Variants in MAD1L1 observed in about 807,000 individuals in gnomAD.
MAD1L1 encodes the protein mitotic spindle assembly checkpoint protein MAD1.
A neutral mutation model predicts 96.9 loss-of-function variants in MAD1L1; 95 were observed. The ratio of observed to expected loss-of-function variants is 0.98; its 90% CI spans 0.83 to 1.16. The LOEUF is 1.16. MAD1L1 is among the 50% of genes most tolerant of loss of function. The pLI is 0.00. For synonymous variants in MAD1L1, 473 were observed against 396.6 expected (o/e 1.19, Z -2.29); for missense variants, 1,007 against 954.4 (o/e 1.06, Z -0.73).
chr7:1,902,782 G>C (rs1457179172), intron 17 of MAD1L1, among the ~76,000 whole-genome samples: 5 of 151,990 alleles, frequency 3.3e-5, no homozygotes, highest in African/African-American at 1.2e-4. Context: ...TACGGAAGAC[G>C]ATCTTGCGGA....
intron 12 of MAD1L1, among the ~76,000 whole-genome samples, chr7:2,042,913 G>A (rs1440346062): frequency 3.3e-5 from 5 of 150,782 alleles, no homozygotes; most frequent in African/African-American, 1.2e-4. Flanking sequence ...CCACATCCAC[G>A]TCCACGTCCA....
chr7:2,135,305 C>T (rs1183807672), intron 11 of MAD1L1, among the ~76,000 whole-genome samples: 5 of 152,178 alleles, frequency 3.3e-5, no homozygotes, highest in African/African-American at 4.8e-5. Context: ...GACGCAGACA[C>T]GAGATGCTCC....
At chr7:2,005,290 CAA>C (rs1448393187) in intron 13 of MAD1L1, among the ~76,000 whole-genome samples, 2 of 152,174 alleles carry the variant, frequency 1.3e-5, no homozygotes, top group Non-Finnish European at 2.9e-5. Flanking sequence ...ACTCAGACTG[CAA>C]AGAGACATCC....
chr7:2,135,939 G>A (rs1273690576), intron 11 of MAD1L1, among the ~76,000 whole-genome samples: 7 of 152,132 alleles, frequency 4.6e-5, no homozygotes, highest in African/African-American at 1.2e-4. Flanking sequence ...AGGACCACGC[G>A]GCCCAACGCT....
chr7:2,158,040 T>C (rs1789924505), intron 10 of MAD1L1, among the ~76,000 whole-genome samples: 1 of 152,204 alleles, frequency 6.6e-6, no homozygotes, highest in Admixed American at 6.5e-5. Context: ...GCAGTGACAG[T>C]TCCAACTGCA....
chr7:2,206,290 G>C (rs1391976729), intron 10 of MAD1L1, among the ~76,000 whole-genome samples: 2 of 152,098 alleles, frequency 1.3e-5, no homozygotes, highest in Non-Finnish European at 2.9e-5. Context: ...CTAGTCTATG[G>C]TCTGCCTTTT....
At chr7:2,178,572 T>C (rs892767284) in intron 10 of MAD1L1, among the ~76,000 whole-genome samples, 9 of 152,038 alleles carry the variant, frequency 5.9e-5, no homozygotes, top group Admixed American at 4.6e-4. Flanking sequence ...ATAAAATAAA[T>C]TTGCAACCAT....
At chr7:2,185,600 G>C (rs558605451) in intron 10 of MAD1L1, among the ~76,000 whole-genome samples, 1 of 151,898 alleles carries the variant, frequency 6.6e-6, no homozygotes, top group Non-Finnish European at 1.5e-5. Flanking sequence ...CAACACAAAG[G>C]CATTTTCTAA....
At chr7:2,079,546 C>T (rs1184610978) in intron 11 of MAD1L1, among the ~76,000 whole-genome samples, 1 of 152,232 alleles carries the variant, frequency 6.6e-6, no homozygotes, top group African/African-American at 2.4e-5. Context: ...CAACTGGAAT[C>T]ACCAAATTCA....
intron 12 of MAD1L1, among the ~76,000 whole-genome samples, chr7:2,024,499 CGGTG>C (rs1562617156): frequency 3.9e-5 from 6 of 152,140 alleles, no homozygotes; most frequent in Non-Finnish European, 5.9e-5. Context: ...TAGAAATTGG[CGGTG>C]AGCCAATTTC....
chr7:1,817,560 C>T (rs1267095837), intron 18 of MAD1L1: 1 of 152,292 alleles, frequency 6.6e-6, no homozygotes, highest in African/African-American at 2.4e-5. Context: ...CGACACAACT[C>T]CGTGCCCAGG....
intron 18 of MAD1L1, chr7:1,854,522 A>C: frequency 2.7e-6 from 1 of 365,938 alleles, no homozygotes; most frequent in Non-Finnish European, 5.5e-6. Flanking sequence ...ACACGGGGGA[A>C]GGGGCGGGGG....
rs945358392 is a variant in MAD1L1, at chr7:2,146,561, C to T, written c.1073+2591G>A. On this transcript the variant is annotated intron_variant, in intron 11 of 18. Coordinates refer to ENST00000265854, the MANE Select transcript of MAD1L1 (RefSeq NM_001013836.2). This position sits in a 1 kb window ranked among gnomAD's most constrained non-coding sequence, Gnocchi z 6.2. ...GGTCACAAGCACGTGCCCGCTGGTC[C>T]GCACAGACGAGGGAAAATGCCCAGC... Among the ~76,000 whole-genome samples the T allele has an allele frequency of 7.2e-5, 11 of 152,200 alleles. No individual in the cohort carries two copies. The highest frequency in any genetic ancestry group is 1.0e-4 in the Non-Finnish European group (7 of 68,038).
At chr7:1,822,727 ATTTTT>A (rs146496198) in intron 18 of MAD1L1, among the ~76,000 whole-genome samples, 1 of 134,554 alleles carries the variant, frequency 7.4e-6, no homozygotes. Context: ...CCCGGCCAGC[ATTTTT>A]TTTTTTTTTT....
At chr7:1,913,668 T>C (rs1788165243) in intron 17 of MAD1L1, among the ~76,000 whole-genome samples, 2 of 151,646 alleles carry the variant, frequency 1.3e-5, no homozygotes, top group Non-Finnish European at 2.9e-5. Context: ...ACAGCTGCTA[T>C]GGGGGGAGGG....
intron 14 of MAD1L1, among the ~76,000 whole-genome samples, chr7:1,987,685 G>A (rs948956429): frequency 9.2e-5 from 14 of 152,208 alleles, no homozygotes; most frequent in Admixed American, 5.2e-4. Flanking sequence ...GGCCACGGCC[G>A]CCCGGCAGCC....
intron 16 of MAD1L1, among the ~76,000 whole-genome samples, chr7:1,944,454 G>A (rs1172871852): frequency 6.6e-6 from 1 of 152,200 alleles, no homozygotes; most frequent in Non-Finnish European, 1.5e-5. Flanking sequence ...GCCAGAGCCT[G>A]CGGGGCTGAA....
At chr7:2,065,333 T>G (rs889157212) in intron 12 of MAD1L1, among the ~76,000 whole-genome samples, 1 of 152,218 alleles carries the variant, frequency 6.6e-6, no homozygotes, top group Non-Finnish European at 1.5e-5. Flanking sequence ...GTGGCAGCCG[T>G]GTCCAGGGTC....
intron 18 of MAD1L1, among the ~76,000 whole-genome samples, chr7:1,886,143 T>C (rs1226950189): frequency 1.3e-5 from 2 of 152,222 alleles, no homozygotes; most frequent in Non-Finnish European, 2.9e-5. Flanking sequence ...AGGGCCAGGT[T>C]CACTTCTGGG....
Sources: allele counts gnomAD v4.1 joint callset (sites outside exome capture counted in the v4.1 genomes callset), GRCh38; gene constraint gnomAD v4.1.1; non-coding constraint Gnocchi (gnomAD v3.1); transcripts MANE v1.5; gene names NCBI Gene and HGNC (gene_info 2026-07-23, HGNC 2026-07-21).